ANK2: variants seen among roughly 807,000 people sequenced by gnomAD.
The protein encoded by ANK2 is ankyrin-2.
In ANK2, 83 loss-of-function variants were observed where a neutral mutation model predicts 360.5. The ratio of observed to expected loss-of-function variants is 0.23; its 90% CI spans 0.19 to 0.28. The LOEUF is 0.28. ANK2 is among the 10% of genes least tolerant of loss of function. The pLI is 1.00. For missense variants in ANK2, 4,201 were observed against 4,795.7 expected (o/e 0.88, Z 3.66); for synonymous variants, 1,740 against 1,759.5 (o/e 0.99, Z 0.28).
intron 1 of ANK2, among the ~76,000 whole-genome samples, chr4:112,830,602 T>C (rs969862120): frequency 6.8e-6 from 1 of 147,074 alleles, no homozygotes; most frequent in Non-Finnish European, 1.5e-5. Flanking sequence ...CCCTGTAACA[T>C]GCAATTATTA....
chr4:113,184,155 C>A (rs567069377), intron 2 of ANK2, among the ~76,000 whole-genome samples: 2 of 151,198 alleles, frequency 1.3e-5, no homozygotes, highest in East Asian at 4.0e-4. Flanking sequence ...ATTTAGAGAA[C>A]AGATTTAGCC....
intron 10 of ANK2, among the ~76,000 whole-genome samples, chr4:113,253,380 A>C (rs953901015): frequency 6.6e-6 from 1 of 152,108 alleles, no homozygotes; most frequent in South Asian, 2.1e-4. Context: ...TCTATCTTTA[A>C]GTAGTACCTG....
intron 39 of ANK2, among the ~76,000 whole-genome samples, chr4:113,361,864 C>T (rs952267897): frequency 6.6e-6 from 1 of 151,920 alleles, no homozygotes; most frequent in Admixed American, 6.6e-5. Context: ...TCCATACCTA[C>T]ATAGTAAATG....
chr4:113,116,283 C>A (rs1333102416), intron 1 of ANK2, among the ~76,000 whole-genome samples: 1 of 152,114 alleles, frequency 6.6e-6, no homozygotes, highest in African/African-American at 2.4e-5. Flanking sequence ...TAAAGAGTGG[C>A]TTGGGTGGTG....
At chr4:113,042,109 G>T (rs1029566187) in intron 2 of ANK2, among the ~76,000 whole-genome samples, 1 of 152,166 alleles carries the variant, frequency 6.6e-6, no homozygotes, top group Non-Finnish European at 1.5e-5. Context: ...CACCCTCACC[G>T]ATGTGGGCTA....
chr4:113,242,792 C>T (rs2040695336), intron 9 of ANK2, among the ~76,000 whole-genome samples: 1 of 152,122 alleles, frequency 6.6e-6, no homozygotes, highest in Admixed American at 6.5e-5. Flanking sequence ...TTCAAGTTTG[C>T]AGTACACCCC....
At position 113,359,121 on chromosome 4, in the gene ANK2, A is replaced by T. The variant is rs370472530; in HGVS notation, c.10503A>T (p.Ile3501=). 11 of 1,614,046 alleles carry T rather than the reference A, an allele frequency of 6.8e-6. No homozygotes were observed. Among genetic ancestry groups the T allele is most frequent in the Non-Finnish European group, 7.6e-6 (9 of 1,179,916 alleles). The part of the protein sequence containing the change: ...RLTQSEREQE[I]VSDDESSSAL... ...CACAGTCAGAGAGGGAGCAGGAAATAGTTTCAGACGATGAAAGTAGTAGTG... is the reference window on the plus strand; with the variant it reads ...CACAGTCAGAGAGGGAGCAGGAAATTGTTTCAGACGATGAAAGTAGTAGTG... The change falls in exon 38 of 46, where the codon ATA becomes ATT. Residue 3501 remains isoleucine (I), a synonymous_variant. Transcript: ENST00000357077.
chr4:113,353,484 T>TAAAGAGATCAAAGGAAAAGTAGAG lies in ANK2; in HGVS notation c.4872_4895dup (p.Glu1624_Lys1631dup). The TAAAGAGATCAAAGGAAAAGTAGAG allele has an allele frequency of 6.2e-7, 1 of 1,613,940 alleles. No individual in the cohort carries two copies. Among genetic ancestry groups the TAAAGAGATCAAAGGAAAAGTAGAG allele is most frequent in the Non-Finnish European group, 8.5e-7 (1 of 1,179,936 alleles). On this transcript the variant is annotated inframe_insertion, in exon 38 of 46. Coordinates refer to ENST00000357077, the MANE Select transcript of ANK2 (RefSeq NM_001148.6). Reference sequence around the variant, plus strand: ...ATCCATGTGTAGAAGTTAGAATAGATAAAGAGATCAAAGGAAAAGTAGAGA... The same window carrying TAAAGAGATCAAAGGAAAAGTAGAG: ...ATCCATGTGTAGAAGTTAGAATAGATAAAGAGATCAAAGGAAAAGTAGAGAAAGAGATCAAAGGAAAAGTAGAGA...
chr4:113,215,319 T>A (rs1425394692), intron 4 of ANK2, among the ~76,000 whole-genome samples: 2 of 152,180 alleles, frequency 1.3e-5, no homozygotes, highest in Non-Finnish European at 2.9e-5. Context: ...ATAATAGTAT[T>A]TACTACAGAG....
At chr4:112,958,618 A>C (rs1309323212) in intron 2 of ANK2, among the ~76,000 whole-genome samples, 1 of 150,468 alleles carries the variant, frequency 6.6e-6, no homozygotes, top group Non-Finnish European at 1.5e-5. Flanking sequence ...GGGGAGAGGG[A>C]GAGGGGGGAG....
rs1562140976 is a variant in ANK2 at position 113,110,860 on chromosome 4, C to A, written c.84+61048C>A. ...ACAATAAGGGCTTTGGGTTGGGAAA[C>A]TGGAGACCTGACACTTTATCAGTGA... is the stretch of plus-strand genomic sequence containing the variant. On this transcript the variant is annotated intron_variant, in intron 1 of 45. Coordinates refer to ENST00000357077, the MANE Select transcript of ANK2 (RefSeq NM_001148.6). Among the ~76,000 whole-genome samples the A allele has an allele frequency of 2.0e-5, 3 of 152,174 alleles. No individual in the cohort carries two copies. In the South Asian group the frequency reaches 6.2e-4, roughly 32 times the overall value.
the ANK2 span, among the ~76,000 whole-genome samples, chr4:112,739,846 T>C: frequency 6.6e-6 from 1 of 152,118 alleles, no homozygotes; most frequent in African/African-American, 2.4e-5. Context: ...AACCCATCTC[T>C]ATTAAAAATA....
At chr4:113,112,946 G>A (rs1039249309) in intron 1 of ANK2, among the ~76,000 whole-genome samples, 1 of 152,152 alleles carries the variant, frequency 6.6e-6, no homozygotes, top group Non-Finnish European at 1.5e-5. Flanking sequence ...ATTATATTAT[G>A]AGCAAGCTTT....
chr4:113,087,980 C>A (rs933041059), intron 1 of ANK2, among the ~76,000 whole-genome samples: 1 of 152,064 alleles, frequency 6.6e-6, no homozygotes, highest in Non-Finnish European at 1.5e-5. Flanking sequence ...AACCTCTGAA[C>A]CTCAAAAGAT....
At chr4:113,332,619 T>G (rs1255653908) in intron 28 of ANK2, among the ~76,000 whole-genome samples, 1 of 152,258 alleles carries the variant, frequency 6.6e-6, no homozygotes, top group Non-Finnish European at 1.5e-5. Context: ...TAGTCAACTT[T>G]CTGACATCTC....
chr4:113,090,995 A>G (rs1240527467), intron 1 of ANK2, among the ~76,000 whole-genome samples: 1 of 152,206 alleles, frequency 6.6e-6, no homozygotes, highest in Non-Finnish European at 1.5e-5. Context: ...TGGGCATATC[A>G]GTGGTACATC....
chr4:113,161,372 T>C (rs1426244554), intron 1 of ANK2, among the ~76,000 whole-genome samples: 3 of 152,206 alleles, frequency 2.0e-5, no homozygotes, highest in Non-Finnish European at 4.4e-5. Context: ...TTTGCTCATC[T>C]TTTTTCTACT....
At chr4:112,859,662 A>G (rs908837544) in intron 1 of ANK2, among the ~76,000 whole-genome samples, 6 of 152,220 alleles carry the variant, frequency 3.9e-5, no homozygotes, top group Non-Finnish European at 7.3e-5. Flanking sequence ...GCTTCTGTTC[A>G]GGAGCAAGTC....
At chr4:113,224,639 T>C (rs958187834) in intron 4 of ANK2, among the ~76,000 whole-genome samples, 5 of 152,210 alleles carry the variant, frequency 3.3e-5, no homozygotes, top group African/African-American at 1.2e-4. Flanking sequence ...CAATGTAACA[T>C]TGAAAGTAAA....
Sources: gnomAD v4.1 joint callset for allele counts (sites outside exome capture counted in the v4.1 genomes callset) on GRCh38, gnomAD v4.1.1 for gene constraint, MANE v1.5 for transcripts, NCBI Gene and HGNC (gene_info 2026-07-23, HGNC 2026-07-21) for gene names.